The following XIRP2 variants were observed in gnomAD, a reference collection of about 807,000 sequenced individuals.
XIRP2 encodes xin actin-binding repeat-containing protein 2.
A neutral mutation model predicts 277.0 loss-of-function variants in XIRP2; 236 were observed. The observed-to-expected ratio is 0.85, with a 90% confidence interval of 0.77 to 0.95. The LOEUF (loss-of-function observed/expected upper bound fraction) is 0.95. XIRP2 is among the 40% of genes least tolerant of loss of function. The pLI is 0.00. For synonymous variants in XIRP2, 1,490 were observed against 1,416.5 expected (o/e 1.05, Z -1.17); for missense variants, 4,640 against 4,157.5 (o/e 1.12, Z -3.19).
intron 2 of XIRP2, among the ~76,000 whole-genome samples, chr2:166,938,191 T>G (rs1558922883): frequency 6.6e-6 from 1 of 152,174 alleles, no homozygotes; most frequent in Non-Finnish European, 1.5e-5. Flanking sequence ...GATGTTAGGG[T>G]GTCGATTTTA....
intron 2 of XIRP2, among the ~76,000 whole-genome samples, chr2:167,040,895 T>C (rs1412347506): frequency 2.6e-5 from 4 of 152,176 alleles, no homozygotes; most frequent in Non-Finnish European, 5.9e-5. Context: ...CCCTGCCAAA[T>C]TGTGAGGGGC....
At chr2:167,092,494 T>C (rs1690176273) in intron 2 of XIRP2, among the ~76,000 whole-genome samples, 1 of 152,074 alleles carries the variant, frequency 6.6e-6, no homozygotes. Flanking sequence ...CACTTTTCAG[T>C]ATAAAAGTAT....
rs540270225 is a variant in XIRP2, at chr2:167,045,209, T to C, written c.409-90700T>C. On this transcript the variant is annotated intron_variant, in intron 2 of 10. Transcript: ENST00000409195. ...TAGTTGGCTAGCCATATGCAAAAGA[T>C]TGAAACTAGACCTCCTCCTTTCACC... is the stretch of plus-strand genomic sequence containing the variant. Among the ~76,000 whole-genome samples the C allele has an allele frequency of 3.2e-4, 49 of 152,074 alleles. No homozygotes were observed. The South Asian group carries it at 9.1e-3, about 28-fold the overall frequency.
At chr2:166,897,540 A>T (rs140247209) in intron 1 of XIRP2, among the ~76,000 whole-genome samples, 29 of 152,296 alleles carry the variant, frequency 1.9e-4, no homozygotes, top group African/African-American at 7.0e-4. Flanking sequence ...AGCCACACGT[A>T]AGTTAAACAA....
At chr2:167,187,828 G>T (rs527512479) in intron 3 of XIRP2, among the ~76,000 whole-genome samples, 62 of 152,098 alleles carry the variant, frequency 4.1e-4, no homozygotes, top group Non-Finnish European at 8.2e-4. Context: ...ACAAATAAGA[G>T]GGAAAGCACA....
chr2:166,983,740 G>A (rs1195850273), intron 2 of XIRP2, among the ~76,000 whole-genome samples: 1 of 152,184 alleles, frequency 6.6e-6, no homozygotes, highest in Non-Finnish European at 1.5e-5. Context: ...CAAAGAGCCA[G>A]GGGAGACATG....
At chr2:167,103,282 T>C (rs564502721) in intron 2 of XIRP2, among the ~76,000 whole-genome samples, 1 of 152,278 alleles carries the variant, frequency 6.6e-6, no homozygotes, top group East Asian at 1.9e-4. Flanking sequence ...AACAAATTGT[T>C]TCCTCTATTT....
chr2:167,045,290 A>G (rs538945482), intron 2 of XIRP2, among the ~76,000 whole-genome samples: 1 of 151,118 alleles, frequency 6.6e-6, no homozygotes, highest in South Asian at 2.1e-4. Flanking sequence ...ACCTAAAACT[A>G]TAAAAAATCT....
chr2:167,175,949 A>G (rs749149473), intron 3 of XIRP2, among the ~76,000 whole-genome samples: 1 of 152,148 alleles, frequency 6.6e-6, no homozygotes, highest in Non-Finnish European at 1.5e-5. Flanking sequence ...AGCCTCAGTA[A>G]TGGTGGACGT....
At chr2:167,099,696 A>G (rs780168088) in intron 2 of XIRP2, among the ~76,000 whole-genome samples, 2 of 152,130 alleles carry the variant, frequency 1.3e-5, no homozygotes, top group Non-Finnish European at 2.9e-5. Flanking sequence ...AAAGCATAGT[A>G]TCTGGGCTGG....
At chr2:167,129,828 C>A (rs577567773) in intron 2 of XIRP2, among the ~76,000 whole-genome samples, 66 of 149,980 alleles carry the variant, frequency 4.4e-4, no homozygotes, top group African/African-American at 1.6e-3. Context: ...TGAGATCGCG[C>A]CATTGCACTC....
At position 166,903,617 on chromosome 2, in the gene XIRP2, G is replaced by A. The variant is rs759056647; in HGVS notation, c.135G>A (p.Ala45=). 10 of 1,613,466 alleles carry A rather than the reference G, an allele frequency of 6.2e-6. No individual in the cohort carries two copies. The highest frequency in any genetic ancestry group is 1.7e-5 in the Admixed American group (1 of 59,882). The part of the protein sequence containing the change: ...IFQPQESKLL[A]PEGEVVSAPQ... ...AGCCTCAGGAAAGCAAATTGCTTGC[G>A]CCTGAAGGAGAGGTAGTATCAGCAC... Residue 45 remains alanine (A), a synonymous_variant, in exon 2 of 11, where the codon GCG becomes GCA. Coordinates refer to ENST00000409195, the MANE Select transcript of XIRP2 (RefSeq NM_152381.6).
intron 2 of XIRP2, among the ~76,000 whole-genome samples, chr2:167,116,000 CTA>C (rs1174658207): frequency 6.6e-6 from 1 of 152,096 alleles, no homozygotes; most frequent in Non-Finnish European, 1.5e-5. Context: ...GAAAAACACA[CTA>C]TGATTGATTT....
chr2:167,256,288 T>A (rs1695654341), intron 10 of XIRP2, among the ~76,000 whole-genome samples: 1 of 151,692 alleles, frequency 6.6e-6, no homozygotes, highest in South Asian at 2.1e-4. Flanking sequence ...TGTCTCTTTC[T>A]CTCAAATTCT....
At chr2:167,055,291 A>G (rs947767448) in intron 2 of XIRP2, among the ~76,000 whole-genome samples, 2 of 152,198 alleles carry the variant, frequency 1.3e-5, no homozygotes, top group African/African-American at 2.4e-5. Context: ...GAAGGTAGAA[A>G]AATCACAAAT....
chr2:166,897,788 G>A (rs1684280980), intron 1 of XIRP2, among the ~76,000 whole-genome samples: 2 of 152,040 alleles, frequency 1.3e-5, no homozygotes, highest in African/African-American at 4.8e-5. Flanking sequence ...ACCTTTCAGA[G>A]GCAGGCCAAG....
At chr2:167,020,071 T>C (rs1371085590) in intron 2 of XIRP2, among the ~76,000 whole-genome samples, 1 of 152,058 alleles carries the variant, frequency 6.6e-6, no homozygotes, top group African/African-American at 2.4e-5. Flanking sequence ...ATCAAAACTT[T>C]ACACTAATCA....
intron 2 of XIRP2, among the ~76,000 whole-genome samples, chr2:167,070,612 G>A (rs1299977093): frequency 1.3e-5 from 2 of 152,134 alleles, no homozygotes; most frequent in African/African-American, 4.8e-5. Context: ...TCAAATGGCT[G>A]TTTCTTATCA....
intron 1 of XIRP2, among the ~76,000 whole-genome samples, chr2:166,891,869 C>T (rs575635718): frequency 1.3e-5 from 2 of 152,136 alleles, no homozygotes; most frequent in Non-Finnish European, 2.9e-5. Flanking sequence ...TTTACCTAAC[C>T]TTAACTTGCT....
Sources: allele counts gnomAD v4.1 joint callset (sites outside exome capture counted in the v4.1 genomes callset), GRCh38; gene constraint gnomAD v4.1.1; transcripts MANE v1.5; gene names NCBI Gene and HGNC (gene_info 2026-07-23, HGNC 2026-07-21).